SLIT3: variants seen among roughly 807,000 people sequenced by gnomAD.
SLIT3 encodes slit homolog 3 protein.
In SLIT3, 68 loss-of-function variants were observed where a neutral mutation model predicts 184.0. That is an observed-to-expected ratio of 0.37 (90% CI 0.30 to 0.45). The LOEUF is 0.45. Among genes scored for constraint, SLIT3 ranks in the 20% least tolerant of loss-of-function variants. SLIT3 has a pLI of 1.00. For synonymous variants in SLIT3, 831 were observed against 828.6 expected (o/e 1.00, Z -0.05); for missense variants, 1,707 against 2,026.0 (o/e 0.84, Z 3.02).
At chr5:168,956,662 C>T (rs531695900) in intron 4 of SLIT3, among the ~76,000 whole-genome samples, 8 of 151,904 alleles carry the variant, frequency 5.3e-5, no homozygotes, top group East Asian at 1.9e-4. Context: ...GCCGTGGTGG[C>T]GGGCGCCTGT....
intron 4 of SLIT3, among the ~76,000 whole-genome samples, chr5:169,086,514 G>A (rs144144241): frequency 2.7e-4 from 41 of 152,210 alleles, no homozygotes; most frequent in African/African-American, 9.9e-4. Flanking sequence ...AACTATATAC[G>A]GCTTGACTAA....
At chr5:168,750,879 G>A (rs1407791263) in intron 18 of SLIT3, among the ~76,000 whole-genome samples, 1 of 151,984 alleles carries the variant, frequency 6.6e-6, no homozygotes, top group Non-Finnish European at 1.5e-5. Flanking sequence ...TATGATGGTG[G>A]GCAGATAATA....
intron 4 of SLIT3, among the ~76,000 whole-genome samples, chr5:169,121,634 T>TA (rs549248038): frequency 1.5e-3 from 235 of 152,312 alleles, no homozygotes; most frequent in African/African-American, 5.4e-3. Flanking sequence ...CATTAACATT[T>TA]AAAAAATGCC....
intron 4 of SLIT3, among the ~76,000 whole-genome samples, chr5:169,183,977 CA>C (rs1314263577): frequency 4.6e-5 from 7 of 152,170 alleles, no homozygotes; most frequent in Non-Finnish European, 8.8e-5. Flanking sequence ...CTTCTCAGTA[CA>C]AGTATTGCCC....
At chr5:168,924,496 GTGTGTGTGTGTA>G (rs1335497194) in intron 4 of SLIT3, among the ~76,000 whole-genome samples, 3 of 137,992 alleles carry the variant, frequency 2.2e-5, no homozygotes, top group Admixed American at 6.9e-5. Context: ...GTGTAAGGGT[GTGTGTGTGTGTA>G]TGTGTGTGTG....
chr5:169,242,120 C>T (rs1300121333), intron 3 of SLIT3, among the ~76,000 whole-genome samples: 2 of 152,182 alleles, frequency 1.3e-5, no homozygotes, highest in African/African-American at 4.8e-5. Flanking sequence ...ATTATGTTTT[C>T]CAATTCTACA....
At chr5:169,282,917 AC>A (rs1370546384) in intron 1 of SLIT3, among the ~76,000 whole-genome samples, 1 of 152,056 alleles carries the variant, frequency 6.6e-6, no homozygotes, top group East Asian at 1.9e-4. Context: ...TCCAAAAAGC[AC>A]CCCCAAATCA....
intron 4 of SLIT3, among the ~76,000 whole-genome samples, chr5:168,995,162 G>A (rs929495529): frequency 1.3e-5 from 2 of 151,892 alleles, no homozygotes; most frequent in Non-Finnish European, 2.9e-5. Flanking sequence ...ACCACAGCAC[G>A]CATATTGCAC....
Position 169,239,998 on chromosome 5 carries a change from T to G in SLIT3, c.341+4707A>C, listed in dbSNP as rs1383461315. 3.3e-5 allele frequency among the ~76,000 whole-genome samples: 5 copies of G among 152,078 alleles called. No homozygotes were observed. In the South Asian group the frequency reaches 6.2e-4, roughly 19 times the overall value. ...GTTTATTAACATTCAGAAAAATATG[T>G]TCTAATTTCCACTGTGATATGTTCT... On this transcript the variant is annotated intron_variant, in intron 3 of 35. Transcript: ENST00000519560.
chr5:169,041,461 G>A (rs1248775460), intron 4 of SLIT3, among the ~76,000 whole-genome samples: 1 of 152,124 alleles, frequency 6.6e-6, no homozygotes, highest in Non-Finnish European at 1.5e-5. Context: ...ATTTGAGAGG[G>A]AGACAGCAGG....
At position 169,300,570 on chromosome 5, in the gene SLIT3, C is replaced by A; in HGVS notation, c.140G>T (p.Cys47Phe). The A allele has an allele frequency of 1.3e-6, 2 of 1,511,710 alleles. No individual in the cohort carries two copies. The highest frequency in any genetic ancestry group is 8.8e-7 in the Non-Finnish European group (1 of 1,133,614). 93.6% of individuals were successfully genotyped at this position (1,511,710 alleles called of 1,614,324 possible). A position where few individuals can be genotyped will look rare whatever the true frequency, so the allele number is the denominator to read the frequency against. Reference sequence around the variant, plus strand: ...AACCGCGCGGAGGCCCAGCCCGTGGCAGTCCACGCTGGCAGCGGAGCAGGT... The same window carrying A: ...AACCGCGCGGAGGCCCAGCCCGTGGAAGTCCACGCTGGCAGCGGAGCAGGT... ...KCTCSAASVD[C>F]HGLGLRAVPR... The change falls in exon 1 of 36, where the codon TGC becomes TTC. Residue 47 changes from cysteine to phenylalanine, a missense_variant. Around this residue, in one of 3 missense-constraint regions of SLIT3, gnomAD observed 1,307 missense variants for 1,511.6 expected, o/e 0.86. Coordinates refer to ENST00000519560, the MANE Select transcript of SLIT3 (RefSeq NM_003062.4). The surrounding 1 kb of genome is among the most constrained non-coding windows in gnomAD (Gnocchi z 4.1).
intron 6 of SLIT3, among the ~76,000 whole-genome samples, chr5:168,844,188 G>A (rs188579311): frequency 2.0e-4 from 30 of 152,060 alleles, no homozygotes; most frequent in African/African-American, 6.5e-4. Context: ...CCCCAACCCC[G>A]GCCCCTGTCT....
At chr5:169,082,779 G>T (rs1759123047) in intron 4 of SLIT3, among the ~76,000 whole-genome samples, 1 of 152,188 alleles carries the variant, frequency 6.6e-6, no homozygotes, top group Admixed American at 6.5e-5. Context: ...AAGAGCCATT[G>T]TTTATCTTTC....
intron 3 of SLIT3, among the ~76,000 whole-genome samples, chr5:169,244,161 C>T (rs1311184885): frequency 6.6e-6 from 1 of 152,250 alleles, no homozygotes; most frequent in African/African-American, 2.4e-5. Context: ...TGCATTCTCT[C>T]GTGGAAACGT....
chr5:169,187,956 A>C (rs936597984), intron 4 of SLIT3, among the ~76,000 whole-genome samples: 2 of 151,828 alleles, frequency 1.3e-5, no homozygotes, highest in African/African-American at 4.8e-5. Flanking sequence ...TAAAAGACAG[A>C]AGGTGTATTT....
rs764568295 is a variant in SLIT3, at chr5:168,856,796, TGTGTGTGTGTGC to T, written c.486-12153_486-12142del. 2.8e-3 allele frequency among the ~76,000 whole-genome samples: 409 copies of T among 145,438 alleles called. 4 individuals are homozygous for T. The highest frequency in any genetic ancestry group is 0.017 in the South Asian group (78 of 4,568). ...GTGTGTGTGTGTGTGTGTGTGTGTG[TGTGTGTGTGTGC>T]GCGCGCGCGCACGCCTTTGTTCAGA... On this transcript the variant is annotated intron_variant, in intron 5 of 35. Coordinates refer to ENST00000519560, the MANE Select transcript of SLIT3 (RefSeq NM_003062.4).
At chr5:168,797,425 C>T (rs541400606) in intron 9 of SLIT3, among the ~76,000 whole-genome samples, 2 of 152,334 alleles carry the variant, frequency 1.3e-5, no homozygotes, top group South Asian at 2.1e-4. Flanking sequence ...CGGCAATCCC[C>T]TCAGTTTTTG....
At chr5:169,166,749 G>A (rs942712247) in intron 4 of SLIT3, among the ~76,000 whole-genome samples, 15 of 152,294 alleles carry the variant, frequency 9.8e-5, no homozygotes, top group Middle Eastern at 6.8e-3. Context: ...ACTCCAGAAT[G>A]GAAGAAATGA....
intron 3 of SLIT3, among the ~76,000 whole-genome samples, chr5:169,206,954 T>C (rs1428550482): frequency 1.3e-5 from 2 of 152,036 alleles, no homozygotes. Context: ...ATATGAGAAC[T>C]GTAGGATGGA....
Sources: allele counts gnomAD v4.1 joint callset (sites outside exome capture counted in the v4.1 genomes callset), GRCh38; gene constraint gnomAD v4.1.1; regional missense constraint gnomAD v4.1.1; non-coding constraint Gnocchi (gnomAD v3.1); transcripts MANE v1.5; gene names NCBI Gene and HGNC (gene_info 2026-07-23, HGNC 2026-07-21).